ZDHHC1: variants seen among roughly 807,000 people sequenced by gnomAD.
ZDHHC1 encodes the protein palmitoyltransferase ZDHHC1.
A neutral mutation model predicts 46.9 loss-of-function variants in ZDHHC1; 45 were observed. The ratio of observed to expected loss-of-function variants is 0.96; its 90% CI spans 0.76 to 1.23. ZDHHC1 has a LOEUF of 1.23. Among genes scored for constraint, ZDHHC1 ranks in the 50% most tolerant of loss-of-function variants. ZDHHC1 has a pLI of 0.00. For missense variants in ZDHHC1, 649 were observed against 670.8 expected, an observed-to-expected ratio of 0.97 and a Z score of 0.36; for synonymous variants, 291 against 286.0, an observed-to-expected ratio of 1.02 and a Z score of -0.18.
chr16:67,401,148 A>C lies in ZDHHC1; in HGVS notation c.253-16T>G. 1 of 1,612,372 alleles carries C rather than the reference A, an allele frequency of 6.2e-7. No homozygotes were observed. The highest frequency in any genetic ancestry group is 1.1e-5 in the South Asian group (1 of 91,010). ...CGCCCATGCACTGGCCCAGCAGGTTAAAGACTCACTCCACTCTGCCGGCTG... is the reference window on the plus strand; with the variant it reads ...CGCCCATGCACTGGCCCAGCAGGTTCAAGACTCACTCCACTCTGCCGGCTG... On this transcript the variant is annotated splice_polypyrimidine_tract_variant and intron_variant, in intron 3 of 11. Transcript: ENST00000565726. The surrounding 1 kb of genome is among the most constrained non-coding windows in gnomAD (Gnocchi z 4.6).
chr16:67,400,060 G>A (rs978938651), intron 4 of ZDHHC1, among the ~76,000 whole-genome samples: 2 of 152,232 alleles, frequency 1.3e-5, no homozygotes, highest in Admixed American at 6.5e-5. Context: ...AAGGCCCAAA[G>A]GCACAACCCC....
In ZDHHC1 at chr16:67,416,416, GCT is replaced by G. The variant is rs2040837390; in HGVS notation, c.-286_-285del. ...GGCTCCGGCTCCGGCTCCGGCTCCG[GCT>G]CCAGCAGGCTGGAGGGGCGGCCAGG... On this transcript the variant is annotated 5_prime_UTR_variant, in exon 1 of 12. Transcript: ENST00000565726. 4.8e-6 allele frequency: 1 copy of G among 208,596 alleles called. No individual in the cohort carries two copies. The highest frequency in any genetic ancestry group is 2.6e-5 in the African/African-American group (1 of 37,962). The allele number at this position is 208,596 out of a possible 1,614,324, so 12.9% of individuals were successfully genotyped here. A position where few individuals can be genotyped will look rare whatever the true frequency, so the allele number is the denominator to read the frequency against.
rs769302084 is a variant in ZDHHC1 at position 67,398,223 on chromosome 16, G to A, written c.916C>T (p.Arg306Trp). The A allele has an allele frequency of 7.4e-6, 12 of 1,613,400 alleles. No individual in the cohort carries two copies. Among genetic ancestry groups the A allele is most frequent in the East Asian group, 6.7e-5 (3 of 44,890 alleles). The change falls in exon 8 of 12, where the codon CGG (arginine) becomes TGG (tryptophan). Residue 306 changes from arginine (R) to tryptophan (W), a missense_variant. Physicochemically the swap from Arg to Trp is moderately radical, Grantham distance 101. Coordinates refer to ENST00000565726, the MANE Select transcript of ZDHHC1 (RefSeq NM_001323627.2). ...RELESCPPKM[R>W]PIQEMEFYMR... Reference sequence around the variant, plus strand: ...TTCATCCTCTATACCTGAATGGGCCGCATCTTGGGAGGACATGACTCGAGC... The same window carrying A: ...TTCATCCTCTATACCTGAATGGGCCACATCTTGGGAGGACATGACTCGAGC...
At chr16:67,397,959 C>T (rs1246407714) in intron 8 of ZDHHC1, among the ~76,000 whole-genome samples, 1 of 152,254 alleles carries the variant, frequency 6.6e-6, no homozygotes, top group Non-Finnish European at 1.5e-5. Flanking sequence ...CTTCCAGGCT[C>T]CCACATCCCA....
chr16:67,407,736 T>C, intron 2 of ZDHHC1, 31 bp downstream of exon 2: 1 of 781,044 alleles, frequency 1.3e-6, no homozygotes, highest in Non-Finnish European at 2.4e-6. Context: ...CTGTCCCCTA[T>C]GTCCCTTCCC....
chr16:67,399,576 G>A, intron 4 of ZDHHC1, 120 bp from the exon 5 acceptor site: 6 of 778,214 alleles, frequency 7.7e-6, no homozygotes, highest in Non-Finnish European at 1.2e-5. Context: ...AGACAGCCCC[G>A]AGCGAGGCGA....
chr16:67,414,818 G>A (rs920779529), intron 1 of ZDHHC1, among the ~76,000 whole-genome samples: 1 of 152,238 alleles, frequency 6.6e-6, no homozygotes, highest in African/African-American at 2.4e-5. Context: ...TTCCCGGTAT[G>A]TCTGTCACAA....
rs756015946 is a variant in ZDHHC1, at chr16:67,398,963, C to A, written c.531-19G>T. 4 of 1,609,762 alleles carry A rather than the reference C, an allele frequency of 2.5e-6. No individual in the cohort carries two copies. The highest frequency in any genetic ancestry group is 3.4e-5 in the Admixed American group (2 of 59,488). On this transcript the variant is annotated intron_variant, in intron 5 of 11. Transcript: ENST00000565726. ...AAAGAGCCTGGGCCCAGCCATGGGT[C>A]GCTGTCAGCTCCCCGGAGCTCCAGC...
chr16:67,398,184 G>GC, intron 8 of ZDHHC1, 28 bp downstream of exon 8: 1 of 1,597,158 alleles, frequency 6.3e-7, no homozygotes, highest in Non-Finnish European at 8.6e-7. Context: ...CCACACCCAG[G>GC]CCCCCTCCCA....
chr16:67,412,958 G>A (rs867125313), intron 1 of ZDHHC1, among the ~76,000 whole-genome samples: 7 of 151,976 alleles, frequency 4.6e-5, no homozygotes, highest in Middle Eastern at 6.8e-3. Flanking sequence ...CCGCCGCCAC[G>A]CCCGGCTACT....
rs184562868 is a variant in ZDHHC1, at chr16:67,411,209, C to T, written c.-38-3396G>A. Among the ~76,000 whole-genome samples the T allele has an allele frequency of 4.1e-3, 631 of 152,244 alleles. 4 individuals are homozygous for T. The highest frequency in any genetic ancestry group is 6.8e-3 in the South Asian group (33 of 4,820). On this transcript the variant is annotated intron_variant, in intron 1 of 11. Coordinates refer to ENST00000565726, the MANE Select transcript of ZDHHC1 (RefSeq NM_001323627.2). Reference sequence around the variant, plus strand: ...GACTGCGGGCATCCCTGGATTCCTGCAAGCTACCTGAGGGCTTCAGAATCA... The same window carrying T: ...GACTGCGGGCATCCCTGGATTCCTGTAAGCTACCTGAGGGCTTCAGAATCA...
At chr16:67,403,633 A>G (rs960819845) in intron 3 of ZDHHC1, among the ~76,000 whole-genome samples, 8 of 150,886 alleles carry the variant, frequency 5.3e-5, no homozygotes, top group Non-Finnish European at 1.2e-4. Context: ...TTTTTGAGAC[A>G]GGGTCTCCCT....
intron 1 of ZDHHC1, among the ~76,000 whole-genome samples, chr16:67,413,738 G>A (rs1235767060): frequency 1.3e-5 from 2 of 150,192 alleles, no homozygotes; most frequent in Non-Finnish European, 1.5e-5. Context: ...TCAGGAATTC[G>A]AGACCAGCCT....
intron 2 of ZDHHC1, 59 bp downstream of exon 2, chr16:67,407,708 G>A: frequency 1.3e-6 from 1 of 780,178 alleles, no homozygotes; most frequent in Non-Finnish European, 2.4e-6. Context: ...AAATGTGCTG[G>A]GTGGGGTTTA....
chr16:67,398,131 C>A, intron 8 of ZDHHC1, 81 bp downstream of exon 8: 1 of 1,412,970 alleles, frequency 7.1e-7, no homozygotes, highest in Non-Finnish European at 9.9e-7. Flanking sequence ...GCCTCCCTTG[C>A]CCTGTCTCCT....
intron 7 of ZDHHC1, 70 bp from the exon 8 acceptor site, chr16:67,398,394 A>G: frequency 2.6e-6 from 4 of 1,551,372 alleles, no homozygotes; most frequent in Non-Finnish European, 3.5e-6. Context: ...GAGGGAGGAC[A>G]ACCAGCCCCA....
chr16:67,407,906 C>T (rs2040691048), intron 1 of ZDHHC1, 93 bp from the exon 2 acceptor site: 1 of 692,852 alleles, frequency 1.4e-6, no homozygotes. Context: ...TTCCATCCAT[C>T]CAGCCCTGCC....
intron 1 of ZDHHC1, among the ~76,000 whole-genome samples, chr16:67,408,715 G>C (rs990948939): frequency 3.3e-5 from 5 of 152,088 alleles, no homozygotes; most frequent in Non-Finnish European, 7.4e-5. Flanking sequence ...CCAACTCCTG[G>C]GCTCAAGCGA....
At position 67,398,232 on chromosome 16, in the gene ZDHHC1, G is replaced by C; in HGVS notation, c.907C>G (p.Pro303Ala). 6.2e-7 allele frequency: 1 copy of C among 1,614,184 alleles called. No individual in the cohort carries two copies. The highest frequency in any genetic ancestry group is 1.3e-5 in the African/African-American group (1 of 75,056). ...TATACCTGAATGGGCCGCATCTTGG[G>C]AGGACATGACTCGAGCTCCCTGTGA... The part of the protein sequence containing the change: ...GVHRELESCP[P>A]KMRPIQEMEF... The change falls in exon 8 of 12, where the codon CCC (proline) becomes GCC (alanine). Residue 303 changes from proline (P) to alanine (A), a missense_variant. Pro to Ala is a conservative substitution (Grantham distance 27). Coordinates refer to ENST00000565726, the MANE Select transcript of ZDHHC1 (RefSeq NM_001323627.2).
Sources: allele counts gnomAD v4.1 joint callset (sites outside exome capture counted in the v4.1 genomes callset), GRCh38; gene constraint gnomAD v4.1.1; non-coding constraint Gnocchi (gnomAD v3.1); transcripts MANE v1.5; gene names NCBI Gene and HGNC (gene_info 2026-07-23, HGNC 2026-07-21).